The following LRRC8C variants were observed in gnomAD, a reference collection of about 807,000 sequenced individuals.
LRRC8C encodes the protein volume-regulated anion channel subunit LRRC8C.
Under a neutral mutation model 55.3 loss-of-function variants are expected in LRRC8C, and 20 were observed. That is an observed-to-expected ratio of 0.36 (90% CI 0.25 to 0.53). The LOEUF is 0.53. LRRC8C is among the 20% of genes least tolerant of loss of function. The probability of loss-of-function intolerance (pLI) is 0.92; values close to 1 mark genes in which losing one functional copy is unlikely to be tolerated. For synonymous variants in LRRC8C, 376 were observed against 360.7 expected (o/e 1.04, Z -0.48); for missense variants, 659 against 951.4 (o/e 0.69, Z 4.04).
chr1:89,666,794 C>A (rs1047766496), intron 1 of LRRC8C, among the ~76,000 whole-genome samples: 2 of 152,190 alleles, frequency 1.3e-5, no homozygotes, highest in South Asian at 2.1e-4. Context: ...TATTGAGTAC[C>A]TTTTATGTGC....
At chr1:89,617,457 G>A in the LRRC8C span, among the ~76,000 whole-genome samples, 2 of 152,236 alleles carry the variant, frequency 1.3e-5, no homozygotes, top group East Asian at 3.8e-4. Flanking sequence ...AGGTAAGCCA[G>A]ATTAGAGGAA....
chr1:89,616,089 G>A, the LRRC8C span, among the ~76,000 whole-genome samples: 1 of 152,152 alleles, frequency 6.6e-6, no homozygotes, highest in Admixed American at 6.5e-5. Context: ...AGACCATGGA[G>A]ATCATTGTGC....
intron 1 of LRRC8C, among the ~76,000 whole-genome samples, chr1:89,668,877 T>C (rs1657340434): frequency 6.6e-6 from 1 of 152,250 alleles, no homozygotes; most frequent in South Asian, 2.1e-4. Context: ...ATACCTTTTA[T>C]TTCCTATTTA....
In LRRC8C at chr1:89,715,088, A is replaced by G. The variant is rs1042669500; in HGVS notation, c.*106A>G. 3.2e-6 allele frequency: 2 copies of G among 632,988 alleles called. No individual in the cohort carries two copies. The highest frequency in any genetic ancestry group is 7.2e-5 in the Admixed American group (2 of 27,688). The allele number at this position is 632,988 out of a possible 1,614,324, so 39.2% of individuals were successfully genotyped here. A position where few individuals can be genotyped will look rare whatever the true frequency, so the allele number is the denominator to read the frequency against. ...TATTTTTTTTTCCTTTTCACACAAAATGTACACAAAGATCGCGTAAGGAGT... is the reference window on the plus strand; with the variant it reads ...TATTTTTTTTTCCTTTTCACACAAAGTGTACACAAAGATCGCGTAAGGAGT... On this transcript the variant is annotated 3_prime_UTR_variant, in exon 3 of 3. Transcript: ENST00000370454.
chr1:89,665,056 A>G (rs977466730), intron 1 of LRRC8C, among the ~76,000 whole-genome samples: 6 of 152,208 alleles, frequency 3.9e-5, no homozygotes, highest in African/African-American at 1.4e-4. Context: ...TTCTAAATAT[A>G]CAATCATGTC....
chr1:89,686,515 G>A lies in LRRC8C; in HGVS notation c.42G>A (p.Gln14=). Residue 14 remains glutamine, a synonymous_variant, in exon 2 of 3, where the codon CAG becomes CAA. Transcript: ENST00000370454. ...AATTCCGGCAGTTCTCTGAGCAGCAGCCTGCCTTCCGAGTGCTGAAGCCAT... is the reference window on the plus strand; with the variant it reads ...AATTCCGGCAGTTCTCTGAGCAGCAACCTGCCTTCCGAGTGCTGAAGCCAT... ...VTEFRQFSEQ[Q]PAFRVLKPWW... is the part of the protein sequence containing the mutation. The A allele has an allele frequency of 5.0e-6, 8 of 1,614,174 alleles. No homozygotes were observed. The highest frequency in any genetic ancestry group is 6.8e-6 in the Non-Finnish European group (8 of 1,180,010).
chr1:89,696,524 A>T (rs573551079), intron 2 of LRRC8C, among the ~76,000 whole-genome samples: 2 of 152,148 alleles, frequency 1.3e-5, no homozygotes, highest in East Asian at 3.9e-4. Flanking sequence ...GGGGAGAGAG[A>T]TATTGATTTA....
intron 1 of LRRC8C, among the ~76,000 whole-genome samples, chr1:89,643,904 T>A (rs1656541065): frequency 6.6e-6 from 1 of 152,220 alleles, no homozygotes; most frequent in South Asian, 2.1e-4. Context: ...AACATTTGAA[T>A]TTTGATATAG....
chr1:89,694,373 G>A (rs761223522), intron 2 of LRRC8C, among the ~76,000 whole-genome samples: 4 of 152,082 alleles, frequency 2.6e-5, no homozygotes, highest in African/African-American at 4.8e-5. Context: ...GACTTGTGGG[G>A]CATGGTAACA....
intron 1 of LRRC8C, among the ~76,000 whole-genome samples, chr1:89,680,483 T>C (rs943353632): frequency 6.7e-6 from 1 of 150,308 alleles, no homozygotes; most frequent in South Asian, 2.1e-4. Flanking sequence ...TTTTTTCTGG[T>C]CTGGAGATGG....
rs775557961 is a variant in LRRC8C at position 89,713,860 on chromosome 1, TATC to T, written c.1293_1295del (p.Ile431del). On this transcript the variant is annotated inframe_deletion, in exon 3 of 3. Coordinates refer to ENST00000370454, the MANE Select transcript of LRRC8C (RefSeq NM_032270.5). The surrounding 1 kb of genome is among the most constrained non-coding windows in gnomAD (Gnocchi z 5.2). ...CCCATAATCGACTGGAATTGCCTCT[TATC>T]ATGCTCTCTGGCCTTCCAGACACTG... is the stretch of plus-strand genomic sequence containing the variant. 1.8e-4 allele frequency: 292 copies of T among 1,614,088 alleles called. No individual in the cohort carries two copies. The highest frequency in any genetic ancestry group is 2.4e-4 in the Non-Finnish European group (284 of 1,180,038).
At chr1:89,616,305 A>G in the LRRC8C span, among the ~76,000 whole-genome samples, 3 of 152,212 alleles carry the variant, frequency 2.0e-5, no homozygotes. Flanking sequence ...GGGACTATCA[A>G]GGATTCTTGC....
chr1:89,643,867 C>T (rs375670027), intron 1 of LRRC8C, among the ~76,000 whole-genome samples: 1 of 152,132 alleles, frequency 6.6e-6, no homozygotes, highest in Non-Finnish European at 1.5e-5. Flanking sequence ...CTGACATACA[C>T]GGTACTATTT....
chr1:89,659,519 T>A (rs929320607), intron 1 of LRRC8C, among the ~76,000 whole-genome samples: 1 of 152,188 alleles, frequency 6.6e-6, no homozygotes, highest in Non-Finnish European at 1.5e-5. Context: ...TAATGTAATA[T>A]GTATGATGCT....
At chr1:89,647,234 C>T (rs911233532) in intron 1 of LRRC8C, among the ~76,000 whole-genome samples, 29 of 152,126 alleles carry the variant, frequency 1.9e-4, no homozygotes, top group Admixed American at 1.3e-4. Context: ...TTCGGTGCTA[C>T]CTAGATGCTA....
intron 1 of LRRC8C, among the ~76,000 whole-genome samples, chr1:89,668,921 T>C (rs1319167865): frequency 1.3e-5 from 2 of 152,246 alleles, no homozygotes; most frequent in Non-Finnish European, 2.9e-5. Flanking sequence ...TCTGTTTTTA[T>C]AAATAATTCT....
chr1:89,620,738 C>G, the LRRC8C span, among the ~76,000 whole-genome samples: 1 of 152,204 alleles, frequency 6.6e-6, no homozygotes, highest in Non-Finnish European at 1.5e-5. Flanking sequence ...CTTGAGATTT[C>G]ACAAGATCAG....
chr1:89,656,327 G>A (rs1296230026), intron 1 of LRRC8C, among the ~76,000 whole-genome samples: 1 of 152,168 alleles, frequency 6.6e-6, no homozygotes, highest in Non-Finnish European at 1.5e-5. Context: ...CCACATCATC[G>A]GGTCTAACTG....
Position 89,686,526 on chromosome 1 carries a change from G to A in LRRC8C, c.53G>A (p.Arg18Gln), listed in dbSNP as rs1185079610. Residue 18 changes from arginine (R) to glutamine (Q), a missense_variant, in exon 2 of 3, where the codon CGA (arginine) becomes CAA (glutamine). This residue lies in a region of LRRC8C where 17 missense variants were observed against 38.2 expected (regional missense o/e 0.44). Coordinates refer to ENST00000370454, the MANE Select transcript of LRRC8C (RefSeq NM_032270.5). ...TTCTCTGAGCAGCAGCCTGCCTTCC[G>A]AGTGCTGAAGCCATGGTGGGATGTG... ...RQFSEQQPAF[R>Q]VLKPWWDVFT... The A allele has an allele frequency of 7.4e-6, 12 of 1,614,162 alleles. No individual in the cohort carries two copies. Among genetic ancestry groups the A allele is most frequent in the South Asian group, 1.1e-5 (1 of 91,084 alleles).
Sources: gnomAD v4.1 joint callset for allele counts (sites outside exome capture counted in the v4.1 genomes callset) on GRCh38, gnomAD v4.1.1 for gene constraint, gnomAD v4.1.1 regional missense constraint, Gnocchi (gnomAD v3.1) non-coding constraint, MANE v1.5 for transcripts, NCBI Gene and HGNC (gene_info 2026-07-23, HGNC 2026-07-21) for gene names.